ABR: variants seen among roughly 807,000 people sequenced by gnomAD.
The protein encoded by ABR is ABR activator of RhoGEF and GTPase.
ABR carries 35 observed loss-of-function variants against 107.2 expected under a neutral mutation model. The observed-to-expected ratio is 0.33, with a 90% CI of 0.25 to 0.43. ABR has a LOEUF of 0.43. Ranked by LOEUF, ABR falls within the 20% of genes least tolerant of loss-of-function variation. The pLI is 1.00. For missense variants in ABR, 815 were observed against 1,115.2 expected (o/e 0.73, Z 3.83); for synonymous variants, 498 against 462.0 (o/e 1.08, Z -1.00).
Position 1,150,788 on chromosome 17 carries a change from A to G in ABR, c.62-25421T>C, listed in dbSNP as rs2040761317. ...ACGAAGGGAGGAGCATCACGCACAC[A>G]GACGCCGGACTCCCTAGGTTCTGCA... On this transcript the variant is annotated intron_variant, in intron 1 of 22. Coordinates refer to ENST00000302538, the MANE Select transcript of ABR (RefSeq NM_021962.5). This position sits in a 1 kb window ranked among gnomAD's most constrained non-coding sequence, Gnocchi z 4.8. 6.6e-6 allele frequency among the ~76,000 whole-genome samples: 1 copy of G among 152,162 alleles called. No individual in the cohort carries two copies. The highest frequency in any genetic ancestry group is 2.4e-5 in the African/African-American group (1 of 41,422).
intron 2 of ABR, among the ~76,000 whole-genome samples, chr17:1,124,887 C>G (rs1047473270): frequency 6.6e-6 from 1 of 152,086 alleles, no homozygotes; most frequent in Non-Finnish European, 1.5e-5. Flanking sequence ...CTGGAGGAGA[C>G]AGGCTAACAG....
At chr17:1,191,868 G>A (rs2042444869), upstream of ABR, among the ~76,000 whole-genome samples, 1 of 152,184 alleles carries the variant, frequency 6.6e-6, no homozygotes, top group African/African-American at 2.4e-5. Context: ...AGCCACACAT[G>A]AGCCCCTCAA....
chr17:1,011,888 C>T lies in ABR; in HGVS notation c.2059G>A (p.Val687Met), dbSNP rs200785190. ...EEVGIYRISG[V>M]ATDIQALKAV... Reference sequence around the variant, plus strand: ...TTGAGCGCCTGGATGTCCGTGGCCACGCCCGATATCCTGTAGATGCCAACC... The same window carrying T: ...TTGAGCGCCTGGATGTCCGTGGCCATGCCCGATATCCTGTAGATGCCAACC... Residue 687 changes from valine to methionine, a missense_variant, in exon 19 of 23, where the codon GTG (valine) becomes ATG (methionine). Val to Met is a conservative substitution (Grantham distance 21). Coordinates refer to ENST00000302538, the MANE Select transcript of ABR (RefSeq NM_021962.5). The surrounding 1 kb of genome is among the most constrained non-coding windows in gnomAD (Gnocchi z 4.8). The T allele has an allele frequency of 2.4e-5, 38 of 1,602,300 alleles. No homozygotes were observed. The highest frequency in any genetic ancestry group is 8.4e-5 in the Admixed American group (5 of 59,294).
At chr17:1,053,389 G>A (rs1336292089) in intron 14 of ABR, among the ~76,000 whole-genome samples, 2 of 38,938 alleles carry the variant, frequency 5.1e-5, no homozygotes, top group African/African-American at 8.9e-5. Flanking sequence ...TTCCGGAACG[G>A]GCTGGGGGAG....
intron 1 of ABR, among the ~76,000 whole-genome samples, chr17:1,178,507 T>C (rs1382432634): frequency 2.0e-5 from 3 of 149,558 alleles, no homozygotes; most frequent in African/African-American, 7.5e-5. Context: ...GAGGTTGCAA[T>C]GAGCGGAGAT....
intron 2 of ABR, among the ~76,000 whole-genome samples, chr17:1,109,359 TCCTCCGTGTCCCG>T: frequency 2.6e-5 from 4 of 151,810 alleles, no homozygotes; most frequent in Admixed American, 2.6e-4. Flanking sequence ...CCCAGCGCCC[TCCTCCGTGTCCCG>T]CCCGGCCCCG....
intron 1 of ABR, among the ~76,000 whole-genome samples, chr17:1,185,285 C>T (rs1346551582): frequency 6.6e-6 from 1 of 152,134 alleles, no homozygotes; most frequent in Non-Finnish European, 1.5e-5. Flanking sequence ...CCGGCCAAAC[C>T]CCACTTCTTC....
rs183050889 is a variant in ABR at position 1,055,746 on chromosome 17, C to T, written c.1561+289G>A. ...GTTTCACCATGTTGGCCCGGATGGT[C>T]TCGAACTCCTGACCTCGTGATCCGC... On this transcript the variant is annotated intron_variant, in intron 14 of 22. Transcript: ENST00000302538. 1,177 of 349,920 alleles carry T rather than the reference C, an allele frequency of 3.4e-3. 16 individuals carry two copies. The highest frequency in any genetic ancestry group is 0.022 in the African/African-American group (1,061 of 48,832). 21.7% of individuals were successfully genotyped at this position (349,920 alleles called of 1,614,324 possible).
chr17:1,010,553 C>T lies in ABR; in HGVS notation c.2236+176G>A. 2.5e-6 allele frequency: 2 copies of T among 785,504 alleles called. No homozygotes were observed. Among genetic ancestry groups the T allele is most frequent in the East Asian group, 2.7e-5 (1 of 36,844 alleles). The allele number at this position is 785,504 out of a possible 1,614,324, so 48.7% of individuals were successfully genotyped here. A position where few individuals can be genotyped will look rare whatever the true frequency, so the allele number is the denominator to read the frequency against. On this transcript the variant is annotated intron_variant, in intron 20 of 22. Transcript: ENST00000302538. The surrounding 1 kb of genome is among the most constrained non-coding windows in gnomAD (Gnocchi z 4.1). ...GGCGAGAAAGGGCCCAGTGTCTGCA[C>T]CAGGTCCCAGCAGGCCACACCTCAC... is the stretch of plus-strand genomic sequence containing the variant.
At chr17:1,135,149 G>A (rs1391766438) in intron 1 of ABR, among the ~76,000 whole-genome samples, 1 of 152,146 alleles carries the variant, frequency 6.6e-6, no homozygotes, top group East Asian at 1.9e-4. Context: ...GGCCCCTGGA[G>A]GGGACTATAA....
intron 1 of ABR, among the ~76,000 whole-genome samples, chr17:1,158,965 C>A (rs1284703202): frequency 6.6e-6 from 1 of 152,160 alleles, no homozygotes; most frequent in Non-Finnish European, 1.5e-5. Context: ...CTACAGGGAG[C>A]CTGTTTGGGA....
intron 1 of ABR, among the ~76,000 whole-genome samples, chr17:1,186,347 C>T (rs1391591375): frequency 1.3e-5 from 2 of 152,242 alleles, no homozygotes; most frequent in Non-Finnish European, 2.9e-5. Context: ...AAGCCCTTCC[C>T]AGTTAGTCAT....
At chr17:1,023,030 C>T (rs980719679) in intron 16 of ABR, among the ~76,000 whole-genome samples, 12 of 145,360 alleles carry the variant, frequency 8.3e-5, no homozygotes, top group African/African-American at 2.1e-4. Flanking sequence ...CCCACGTCCA[C>T]TGCAGAGCCT....
At position 1,086,007 on chromosome 17, in the gene ABR, G is replaced by A. The variant is rs149804373; in HGVS notation, c.532-2380C>T. ...ACTAAAGATACAAAATTATCCGGGCGTGGTGGCACGCATCTGTAGTCCCAG... is the reference window on the plus strand; with the variant it reads ...ACTAAAGATACAAAATTATCCGGGCATGGTGGCACGCATCTGTAGTCCCAG... On this transcript the variant is annotated intron_variant, in intron 4 of 22. Transcript: ENST00000302538. 1.1e-3 allele frequency among the ~76,000 whole-genome samples: 165 copies of A among 152,218 alleles called. 2 individuals are homozygous for A. In the East Asian group the frequency reaches 0.025, roughly 23 times the overall value.
chr17:1,098,494 G>A (rs190244060), intron 3 of ABR, among the ~76,000 whole-genome samples: 13 of 152,280 alleles, frequency 8.5e-5, no homozygotes, highest in Admixed American at 3.3e-4. Flanking sequence ...TATCTTTCCC[G>A]TGTATGATGC....
At chr17:1,024,184 C>A (rs1433408391) in intron 16 of ABR, among the ~76,000 whole-genome samples, 2 of 152,206 alleles carry the variant, frequency 1.3e-5, no homozygotes, top group Non-Finnish European at 2.9e-5. Context: ...CTCTGAGCGG[C>A]CCCTCCCAGG....
intron 1 of ABR, among the ~76,000 whole-genome samples, chr17:1,129,308 C>A (rs564831662): frequency 1.3e-5 from 2 of 152,026 alleles, no homozygotes; most frequent in Non-Finnish European, 2.9e-5. Context: ...GAGGCCGAGG[C>A]GGGCGGATCA....
At chr17:1,183,810 G>A (rs527529836), upstream of ABR, among the ~76,000 whole-genome samples, 8 of 152,244 alleles carry the variant, frequency 5.3e-5, no homozygotes, top group African/African-American at 1.9e-4. Context: ...ACAGTGGGTG[G>A]GAGGGAGTGG....
At chr17:1,110,016 C>G (rs2038571070) in intron 2 of ABR, among the ~76,000 whole-genome samples, 1 of 144,628 alleles carries the variant, frequency 6.9e-6, no homozygotes, top group Non-Finnish European at 1.5e-5. Flanking sequence ...CCCACCTACT[C>G]ACAGGCACTG....
Sources: allele counts gnomAD v4.1 joint callset (sites outside exome capture counted in the v4.1 genomes callset), GRCh38; gene constraint gnomAD v4.1.1; non-coding constraint Gnocchi (gnomAD v3.1); transcripts MANE v1.5; gene names NCBI Gene and HGNC (gene_info 2026-07-23, HGNC 2026-07-21).